The following KCP variants were observed in gnomAD, a reference collection of about 807,000 sequenced individuals.
The protein encoded by KCP is kielin cysteine rich BMP regulator.
In KCP, 194 loss-of-function variants were observed where a neutral mutation model predicts 212.7. That is an observed-to-expected ratio of 0.91 (90% CI 0.81 to 1.03). The LOEUF is 1.03. Ranked by LOEUF, KCP falls within the 50% of genes least tolerant of loss-of-function variation. The pLI, the probability that KCP is intolerant of heterozygous loss-of-function variation, is 0.00. For missense variants in KCP, 2,080 were observed against 2,162.5 expected, an observed-to-expected ratio of 0.96 and a Z score of 0.76; for synonymous variants, 833 against 865.3, an observed-to-expected ratio of 0.96 and a Z score of 0.65.
chr7:128,904,244 A>C, intron 5 of KCP, 106 bp from the exon 6 acceptor site: 1 of 1,538,874 alleles, frequency 6.5e-7, no homozygotes, highest in Admixed American at 2.0e-5. Flanking sequence ...CTTGGGGTTG[A>C]AGGGATGGCG....
At chr7:128,884,403 G>A (rs1224414422) in intron 28 of KCP, among the ~76,000 whole-genome samples, 1 of 152,192 alleles carries the variant, frequency 6.6e-6, no homozygotes, top group African/African-American at 2.4e-5. Context: ...CTCCTCCCCA[G>A]GCCCATGGCT....
rs754112791 is a variant in KCP at position 128,877,810 on chromosome 7, C to G, written c.4312-20G>C. 21 of 1,531,876 alleles carry G rather than the reference C, an allele frequency of 1.4e-5. No individual in the cohort carries two copies. Among genetic ancestry groups the G allele is most frequent in the Non-Finnish European group, 1.8e-5 (21 of 1,135,684 alleles). 94.9% of individuals were successfully genotyped at this position (1,531,876 alleles called of 1,614,324 possible). On this transcript the variant is annotated intron_variant, in intron 38 of 39. Coordinates refer to ENST00000610776, the MANE Select transcript of KCP (RefSeq NM_001366122.1). Reference sequence around the variant, plus strand: ...TGAGACCTGGGTGGGGAGAGCAGCCCTGACGTGACAGCACCACTGGCAGCT... The same window carrying G: ...TGAGACCTGGGTGGGGAGAGCAGCCGTGACGTGACAGCACCACTGGCAGCT...
chr7:128,888,683 CACAT>C (rs765895510), intron 22 of KCP, among the ~76,000 whole-genome samples, 176 bp downstream of exon 22: 71 of 152,264 alleles, frequency 4.7e-4, no homozygotes, highest in Non-Finnish European at 8.1e-4. Flanking sequence ...CATACACACA[CACAT>C]ACATACAAAC....
chr7:128,880,061 C>G lies in KCP; in HGVS notation c.3784G>C (p.Gly1262Arg). 1 of 1,545,840 alleles carries G rather than the reference C, an allele frequency of 6.5e-7. No individual in the cohort carries two copies. Among genetic ancestry groups the G allele is most frequent in the Non-Finnish European group, 8.7e-7 (1 of 1,145,596 alleles). Residue 1262 changes from glycine to arginine, a missense_variant, in exon 35 of 40, where the codon GGC (glycine) becomes CGC (arginine). Transcript: ENST00000610776. ...GPDKAPALSP[G>R]SCCPRCLPRP... ...GGCAGGCAGCGGGGGCAGCAGCTGC[C>G]AGGACTCAGGGCAGGGGCCTTGTCC... is the stretch of plus-strand genomic sequence containing the variant.
chr7:128,889,072 G>A, intron 21 of KCP, 33 bp from the exon 22 acceptor site: 18 of 1,447,110 alleles, frequency 1.2e-5, no homozygotes, highest in Non-Finnish European at 1.7e-5. Context: ...GCCGAGGGGA[G>A]GGACAGAAAG....
intron 16 of KCP, 44 bp downstream of exon 16, chr7:128,892,470 C>T: frequency 1.4e-6 from 2 of 1,397,910 alleles, no homozygotes; most frequent in Non-Finnish European, 1.9e-6. Context: ...GGACAGCAGC[C>T]TCTGGGGCCC....
At chr7:128,902,976 C>T (rs549007508) in intron 7 of KCP, 117 bp from the exon 8 acceptor site, 23 of 756,860 alleles carry the variant, frequency 3.0e-5, no homozygotes, top group Non-Finnish European at 4.7e-5. Context: ...CGAGCCAAGA[C>T]TAGATGGGGT....
intron 20 of KCP, 47 bp from the exon 21 acceptor site, chr7:128,890,560 G>C: frequency 6.7e-7 from 1 of 1,500,602 alleles, no homozygotes; most frequent in Non-Finnish European, 8.9e-7. Context: ...CTAGAGGGCT[G>C]TGGGGACTTG....
chr7:128,910,500 AAGAGC>A, intron 1 of KCP, 96 bp downstream of exon 1: 2 of 1,112,858 alleles, frequency 1.8e-6, no homozygotes, highest in Non-Finnish European at 2.5e-6. Context: ...AGGCAGGGCT[AAGAGC>A]AGAGCCCCCA....
intron 21 of KCP, chr7:128,889,946 T>TTTTTTTG (rs1793983178): frequency 8.3e-6 from 1 of 121,108 alleles, no homozygotes; most frequent in African/African-American, 3.1e-5. Context: ...TTTTTTTTTT[T>TTTTTTTG]GAGACAAGGT....
At chr7:128,899,206 G>A (rs909444249) in intron 8 of KCP, among the ~76,000 whole-genome samples, 4 of 152,180 alleles carry the variant, frequency 2.6e-5, no homozygotes, top group African/African-American at 7.2e-5. Flanking sequence ...CTTAGTGTAT[G>A]TTATTAATAA....
At chr7:128,906,741 T>TGGAAGAGTGGGAGGTGATATAGGA (rs1174652032) in intron 4 of KCP, among the ~76,000 whole-genome samples, 2 of 151,968 alleles carry the variant, frequency 1.3e-5, no homozygotes, top group African/African-American at 4.8e-5. Flanking sequence ...AGATGGGCAG[T>TGGAAGAGTGGGAGGTGATATAGGA]GGAAGAGTGG....
At position 128,880,919 on chromosome 7, in the gene KCP, C is replaced by T. The variant is rs1793290583; in HGVS notation, c.3513+78G>A. The T allele has an allele frequency of 7.5e-6, 3 of 399,176 alleles. No individual in the cohort carries two copies. The East Asian group carries it at 1.1e-4, about 14-fold the overall frequency. 24.7% of individuals were successfully genotyped at this position (399,176 alleles called of 1,614,324 possible). On this transcript the variant is annotated intron_variant, in intron 32 of 39. Transcript: ENST00000610776. ...CCCCTGACCCTTAAAGACCCCATAT[C>T]TGCTGGTGGAGTGTTGGACACTCCT...
At chr7:128,879,429 G>T in intron 37 of KCP, 93 bp downstream of exon 37, 1 of 1,095,164 alleles carries the variant, frequency 9.1e-7, no homozygotes. Flanking sequence ...CTAGGAGGTA[G>T]CTGGCATCCC....
At chr7:128,877,850 G>C (rs867184693) in intron 38 of KCP, 60 bp from the exon 39 acceptor site, 5 of 1,442,776 alleles carry the variant, frequency 3.5e-6, no homozygotes, top group Admixed American at 2.1e-5. Context: ...TCTGCATGCC[G>C]TGCTCTTCAA....
intron 1 of KCP, 124 bp downstream of exon 1, chr7:128,910,477 G>T: frequency 1.1e-6 from 1 of 880,068 alleles, no homozygotes; most frequent in Non-Finnish European, 1.6e-6. Context: ...GGCCAGGGAG[G>T]CGCGCGAACC....
At position 128,904,120 on chromosome 7, in the gene KCP, T is replaced by C; in HGVS notation, c.590A>G (p.Gln197Arg). ...GAAGGTGACCCCCTCCTCATAAAGC[T>C]GCCCCTCATAATCACAGCCTGGGAA... is the stretch of plus-strand genomic sequence containing the variant. ...HCKPGCDYEGQLYEEGVTFLS... is the reference protein window; with the variant it reads ...HCKPGCDYEGRLYEEGVTFLS... The change falls in exon 6 of 40, where the codon CAG becomes CGG. Residue 197 changes from glutamine to arginine, a missense_variant. Transcript: ENST00000610776. 2 of 1,551,652 alleles carry C rather than the reference T, an allele frequency of 1.3e-6. No individual in the cohort carries two copies. The highest frequency in any genetic ancestry group is 1.2e-5 in the South Asian group (1 of 84,062).
intron 23 of KCP, 100 bp downstream of exon 23, chr7:128,887,115 T>C (rs1793701923): frequency 8.8e-7 from 1 of 1,140,556 alleles, no homozygotes; most frequent in Admixed American, 2.0e-5. Flanking sequence ...AAGGGCAGAG[T>C]GTAGCCCTTG....
chr7:128,879,249 T>G (rs1243294212), intron 37 of KCP: 1 of 482,424 alleles, frequency 2.1e-6, no homozygotes, highest in African/African-American at 1.9e-5. Context: ...CATTCCCCAC[T>G]TTACAGACGA....
Sources: gnomAD v4.1 joint callset for allele counts (sites outside exome capture counted in the v4.1 genomes callset) on GRCh38, gnomAD v4.1.1 for gene constraint, MANE v1.5 for transcripts, NCBI Gene and HGNC (gene_info 2026-07-23, HGNC 2026-07-21) for gene names.